The following PRKN variants were observed in gnomAD, a reference collection of about 807,000 sequenced individuals.
The protein encoded by PRKN is parkin RBR E3 ubiquitin protein ligase.
A neutral mutation model predicts 59.5 loss-of-function variants in PRKN; 56 were observed. That is an observed-to-expected ratio of 0.94 (90% CI 0.76 to 1.18). PRKN has a LOEUF of 1.18. Among genes scored for constraint, PRKN ranks in the 50% most tolerant of loss-of-function variants. PRKN has a pLI of 0.00. For synonymous variants in PRKN, 250 were observed against 222.1 expected, an observed-to-expected ratio of 1.13 and a Z score of -1.12; for missense variants, 657 against 596.4, an observed-to-expected ratio of 1.10 and a Z score of -1.06.
At position 162,162,329 on chromosome 6, in the gene PRKN, T is replaced by A. The variant is rs78316447; in HGVS notation, c.534+38802A>T. ...ATGATGTAAAATATACGGAAGGATATGCGTAGGTTATGTAAAAATACTGTA... is the reference window on the plus strand; with the variant it reads ...ATGATGTAAAATATACGGAAGGATAAGCGTAGGTTATGTAAAAATACTGTA... On this transcript the variant is annotated intron_variant, in intron 4 of 11. Transcript: ENST00000366898. Among the ~76,000 whole-genome samples the A allele has an allele frequency of 6.4e-3, 982 of 152,292 alleles. 12 individuals carry two copies. Among genetic ancestry groups the A allele is most frequent in the African/African-American group, 0.022 (920 of 41,564 alleles).
rs1391305528 is a variant in PRKN, at chr6:161,554,986, A to C, written c.934-5983T>G. Among the ~76,000 whole-genome samples the C allele has an allele frequency of 6.6e-6, 1 of 152,052 alleles. No homozygotes were observed. The highest frequency in any genetic ancestry group is 1.5e-5 in the Non-Finnish European group (1 of 67,998). ...GGTCATTTCTGGATCAATTTTCACA[A>C]GCATACTGTGTCAGGAAAGTTGTAC... is the stretch of plus-strand genomic sequence containing the variant. On this transcript the variant is annotated intron_variant, in intron 8 of 11. Transcript: ENST00000366898. The surrounding 1 kb of genome is among the most constrained non-coding windows in gnomAD (Gnocchi z 4.5).
chr6:161,830,498 C>T (rs532004077), intron 6 of PRKN, among the ~76,000 whole-genome samples: 3 of 152,228 alleles, frequency 2.0e-5, no homozygotes, highest in Middle Eastern at 3.4e-3. Context: ...GTGATCTGCC[C>T]GCCTCGGCCT....
intron 1 of PRKN, among the ~76,000 whole-genome samples, chr6:162,575,010 TTATTTC>T (rs1243302817): frequency 6.6e-6 from 1 of 152,144 alleles, no homozygotes; most frequent in East Asian, 1.9e-4. Context: ...GGTCCATCTT[TTATTTC>T]TATTTGTTAT....
chr6:162,178,795 C>A (rs1783653073), intron 4 of PRKN, among the ~76,000 whole-genome samples: 1 of 152,078 alleles, frequency 6.6e-6, no homozygotes, highest in African/African-American at 2.4e-5. Context: ...AGCCTCAGTC[C>A]CTGATTCAGC....
rs575859214 is a variant in PRKN at position 162,397,391 on chromosome 6, C to CT, written c.171+45918dup. Among the ~76,000 whole-genome samples the CT allele has an allele frequency of 8.3e-4, 126 of 152,146 alleles. 5 individuals are homozygous for CT. The South Asian group carries it at 0.025, about 30-fold the overall frequency. On this transcript the variant is annotated intron_variant, in intron 2 of 11. Coordinates refer to ENST00000366898, the MANE Select transcript of PRKN (RefSeq NM_004562.3). The stretch of plus-strand genomic sequence containing the variant: ...TCAAATATTTAATCCAACAATCTCT[C>CT]TTTTTTTCTTACGCCAGTCTGGCTG...
chr6:162,083,125 T>G (rs1779124351), intron 4 of PRKN, among the ~76,000 whole-genome samples: 1 of 151,988 alleles, frequency 6.6e-6, no homozygotes, highest in Non-Finnish European at 1.5e-5. Flanking sequence ...CACCCAGTTT[T>G]GGGACTTTTA....
At chr6:162,385,646 G>A (rs1273351193) in intron 2 of PRKN, among the ~76,000 whole-genome samples, 1 of 152,014 alleles carries the variant, frequency 6.6e-6, no homozygotes, top group African/African-American at 2.4e-5. Flanking sequence ...CTGACCACAG[G>A]CAGAGGCCTT....
rs1003650559 is a variant in PRKN, at chr6:161,549,488, C to T, written c.934-485G>A. Among the ~76,000 whole-genome samples, 3 of 152,174 alleles carry T rather than the reference C, an allele frequency of 2.0e-5. No individual in the cohort carries two copies. Among genetic ancestry groups the T allele is most frequent in the Admixed American group, 6.5e-5 (1 of 15,280 alleles). Reference sequence around the variant, plus strand: ...TGAAAATCGGCCCAGCATTCCACCTCATAATATTGGCAGCCCACACAATAT... The same window carrying T: ...TGAAAATCGGCCCAGCATTCCACCTTATAATATTGGCAGCCCACACAATAT... On this transcript the variant is annotated intron_variant, in intron 8 of 11. Transcript: ENST00000366898. The surrounding 1 kb of genome is among the most constrained non-coding windows in gnomAD (Gnocchi z 6.0).
intron 7 of PRKN, among the ~76,000 whole-genome samples, chr6:161,627,268 C>T (rs1783123611): frequency 6.6e-6 from 1 of 152,136 alleles, no homozygotes; most frequent in Non-Finnish European, 1.5e-5. Flanking sequence ...TAAAGTTATA[C>T]TTTTTTGATA....
chr6:162,093,133 C>G (rs1779576875), intron 4 of PRKN, among the ~76,000 whole-genome samples: 1 of 152,184 alleles, frequency 6.6e-6, no homozygotes, highest in African/African-American at 2.4e-5. Flanking sequence ...ATAGGGCTAT[C>G]ACAGTAGCCC....
At chr6:162,642,076 T>C (rs1476125975) in intron 1 of PRKN, among the ~76,000 whole-genome samples, 1 of 152,228 alleles carries the variant, frequency 6.6e-6, no homozygotes, top group Non-Finnish European at 1.5e-5. Flanking sequence ...ACAGTTGTGT[T>C]CCTTGTCATA....
intron 1 of PRKN, among the ~76,000 whole-genome samples, chr6:162,676,265 CAAG>C (rs781499454): frequency 2.6e-5 from 4 of 151,606 alleles, no homozygotes; most frequent in Admixed American, 6.6e-5. Context: ...AGGAAAGCGC[CAAG>C]AAGGATGACT....
intron 4 of PRKN, among the ~76,000 whole-genome samples, chr6:162,083,149 T>A (rs1334322137): frequency 6.6e-6 from 1 of 151,848 alleles, no homozygotes; most frequent in African/African-American, 2.4e-5. Context: ...GAGACGGGGT[T>A]TTTCCATATT....
chr6:162,597,834 T>C (rs1426984554), intron 1 of PRKN, among the ~76,000 whole-genome samples: 1 of 152,196 alleles, frequency 6.6e-6, no homozygotes, highest in East Asian at 1.9e-4. Context: ...ACTGTCATTA[T>C]TCCTGTGATT....
At chr6:162,429,320 G>A (rs763321330) in intron 2 of PRKN, among the ~76,000 whole-genome samples, 4 of 152,114 alleles carry the variant, frequency 2.6e-5, no homozygotes, top group African/African-American at 9.7e-5. Flanking sequence ...CTTGCACATG[G>A]AATGCAGGCT....
At chr6:161,874,282 A>ACATGTAAAATAT (rs1794539633) in intron 6 of PRKN, among the ~76,000 whole-genome samples, 3 of 34,212 alleles carry the variant, frequency 8.8e-5, no homozygotes, top group African/African-American at 1.1e-4. Flanking sequence ...AATATATATT[A>ACATGTAAAATAT]TATATTATAT....
chr6:162,125,614 C>T (rs1177408481), intron 4 of PRKN, among the ~76,000 whole-genome samples: 1 of 152,216 alleles, frequency 6.6e-6, no homozygotes, highest in East Asian at 1.9e-4. Context: ...CACCCAACTA[C>T]TCACAACCCG....
intron 2 of PRKN, among the ~76,000 whole-genome samples, chr6:162,367,172 T>A (rs141826931): frequency 7.3e-4 from 111 of 152,234 alleles, no homozygotes; most frequent in African/African-American, 2.6e-3. Flanking sequence ...CCCCTTTTGC[T>A]CGGCAGTTCT....
intron 7 of PRKN, among the ~76,000 whole-genome samples, chr6:161,739,225 T>C (rs1321055206): frequency 6.6e-6 from 1 of 152,016 alleles, no homozygotes; most frequent in Non-Finnish European, 1.5e-5. Flanking sequence ...CTGGCCAACA[T>C]GGCAAGATCC....
Sources: gnomAD v4.1 joint callset for allele counts (sites outside exome capture counted in the v4.1 genomes callset) on GRCh38, gnomAD v4.1.1 for gene constraint, Gnocchi (gnomAD v3.1) non-coding constraint, MANE v1.5 for transcripts, NCBI Gene and HGNC (gene_info 2026-07-23, HGNC 2026-07-21) for gene names.